Variants in PARP3 observed in about 807,000 individuals in gnomAD.
The protein encoded by PARP3 is protein mono-ADP-ribosyltransferase PARP3.
In PARP3, 46 loss-of-function variants were observed where a neutral mutation model predicts 58.2. The ratio of observed to expected loss-of-function variants is 0.79; its 90% confidence interval spans 0.62 to 1.01. The LOEUF (loss-of-function observed/expected upper bound fraction) is 1.01. Among genes scored for constraint, PARP3 ranks in the 50% least tolerant of loss-of-function variants. The probability of loss-of-function intolerance (pLI) is 0.00; values close to 1 mark genes in which losing one functional copy is unlikely to be tolerated. For missense variants in PARP3, 663 were observed against 683.9 expected, an observed-to-expected ratio of 0.97 and a Z score of 0.34; for synonymous variants, 252 against 266.4, an observed-to-expected ratio of 0.95 and a Z score of 0.53.
In PARP3 at chr3:51,946,055, G is replaced by C. The variant is rs1699669258; in HGVS notation, c.1099-111G>C. 2 of 1,327,944 alleles carry C rather than the reference G, an allele frequency of 1.5e-6. No individual in the cohort carries two copies. Among genetic ancestry groups the C allele is most frequent in the Non-Finnish European group, 2.1e-6 (2 of 934,726 alleles). 82.3% of individuals were successfully genotyped at this position (1,327,944 alleles called of 1,614,324 possible). ...GCTCTGGTCAGTTTCTGCCGGCCAT[G>C]AGTGCGCGTGAGTAAGCAGAGGGAC... On this transcript the variant is annotated intron_variant, in intron 8 of 10. Transcript: ENST00000398755. This position sits in a 1 kb window ranked among gnomAD's most constrained non-coding sequence, Gnocchi z 4.6.
intron 9 of PARP3, among the ~76,000 whole-genome samples, chr3:51,947,350 A>C (rs1699704058): frequency 6.6e-6 from 1 of 152,212 alleles, no homozygotes; most frequent in Non-Finnish European, 1.5e-5. Flanking sequence ...CAAGGGGTCC[A>C]CCAGGAGGGC....
At chr3:51,943,602 C>T in intron 2 of PARP3, 64 bp downstream of exon 2, 1 of 1,462,242 alleles carries the variant, frequency 6.8e-7, no homozygotes, top group Non-Finnish European at 9.4e-7. Flanking sequence ...ACACCCAGGC[C>T]ACCCCCTTAG....
intron 6 of PARP3, 75 bp from the exon 7 acceptor site, chr3:51,945,420 A>ACCAGTC: frequency 6.5e-7 from 1 of 1,533,546 alleles, no homozygotes; most frequent in South Asian, 1.2e-5. Context: ...TGGCTACAAT[A>ACCAGTC]CCAGTCATGT....
At chr3:51,943,242 G>C (rs1023979887) in intron 1 of PARP3, 112 bp from the exon 2 acceptor site, 15 of 1,185,098 alleles carry the variant, frequency 1.3e-5, no homozygotes, top group Non-Finnish European at 1.6e-5. Flanking sequence ...GCCAACCCGG[G>C]GTGGGGCAAG....
chr3:51,945,127 C>T lies in PARP3; in HGVS notation c.764C>T (p.Ser255Leu). ...GGCCAAAGCCTGGAGGAGCTGTCCT[C>T]ACACTTTTACACCGTCATCCCGCAC... The part of the protein sequence containing the change: ...DGGQSLEELS[S>L]HFYTVIPHNF... The change falls in exon 6 of 11, where the codon TCA (serine) becomes TTA (leucine). Residue 255 changes from serine (S) to leucine (L), a missense_variant. Around this residue, in one of 3 missense-constraint regions of PARP3, gnomAD observed 567 missense variants for 553.6 expected, o/e 1.02. Transcript: ENST00000398755. 6.2e-7 allele frequency: 1 copy of T among 1,614,124 alleles called. No homozygotes were observed. Among genetic ancestry groups the T allele is most frequent in the Non-Finnish European group, 8.5e-7 (1 of 1,180,050 alleles).
Position 51,944,017 on chromosome 3 carries a change from G to A in PARP3, c.184-72G>A, listed in dbSNP as rs1039768965. The A allele has an allele frequency of 6.1e-5, 90 of 1,470,006 alleles. No individual in the cohort carries two copies. Among genetic ancestry groups the A allele is most frequent in the Non-Finnish European group, 8.2e-5 (88 of 1,074,464 alleles). The allele number at this position is 1,470,006 out of a possible 1,614,324, so 91.1% of individuals were successfully genotyped here. On this transcript the variant is annotated intron_variant, in intron 2 of 10. Transcript: ENST00000398755. This position sits in a 1 kb window ranked among gnomAD's most constrained non-coding sequence, Gnocchi z 4.2. ...CCGTCAGACTCCTGTCCCCATCAGAGCCCTCTCGGTGTACGGCCAGGCACC... is the reference window on the plus strand; with the variant it reads ...CCGTCAGACTCCTGTCCCCATCAGAACCCTCTCGGTGTACGGCCAGGCACC...
In PARP3 at chr3:51,944,678, C is replaced by T; in HGVS notation, c.501+100C>T. On this transcript the variant is annotated intron_variant, in intron 4 of 10. Coordinates refer to ENST00000398755, the MANE Select transcript of PARP3 (RefSeq NM_001003931.4). This position sits in a 1 kb window ranked among gnomAD's most constrained non-coding sequence, Gnocchi z 4.2. ...CTCTGCCACTGCCCAGCTGCGCAGC[C>T]TCAGCCACAGAACTCCCCTCTGGCC... 2 of 1,574,836 alleles carry T rather than the reference C, an allele frequency of 1.3e-6. No individual in the cohort carries two copies. The highest frequency in any genetic ancestry group is 8.6e-7 in the Non-Finnish European group (1 of 1,156,982).
Position 51,948,647 on chromosome 3 carries a change from G to A in PARP3, c.*167G>A. ...ATCCCTGAACTTATGCCTCCTAACT[G>A]AAATTTTGTATTCTTTGACACATCT... is the stretch of plus-strand genomic sequence containing the variant. On this transcript the variant is annotated 3_prime_UTR_variant, in exon 11 of 11. Coordinates refer to ENST00000398755, the MANE Select transcript of PARP3 (RefSeq NM_001003931.4). The A allele has an allele frequency of 1.6e-6, 1 of 624,726 alleles. No homozygotes were observed. Among genetic ancestry groups the A allele is most frequent in the Admixed American group, 3.2e-5 (1 of 30,810 alleles). The allele number at this position is 624,726 out of a possible 1,614,324, so 38.7% of individuals were successfully genotyped here.
Position 51,946,297 on chromosome 3 carries a change from C to G in PARP3, c.1230C>G (p.Gly410=), listed in dbSNP as rs773826150. 4.3e-6 allele frequency: 7 copies of G among 1,613,476 alleles called. No individual in the cohort carries two copies. The highest frequency in any genetic ancestry group is 1.7e-4 in the Middle Eastern group (1 of 6,058). The change falls in exon 9 of 11, where the codon GGC becomes GGG. Residue 410 remains glycine, a synonymous_variant. Coordinates refer to ENST00000398755, the MANE Select transcript of PARP3 (RefSeq NM_001003931.4). This position sits in a 1 kb window ranked among gnomAD's most constrained non-coding sequence, Gnocchi z 4.6. ...TGCCACATTCTGGTGGGCGTGTTGGCAAGGGCATCTACTTTGCCTCAGAGA... is the reference window on the plus strand; with the variant it reads ...TGCCACATTCTGGTGGGCGTGTTGGGAAGGGCATCTACTTTGCCTCAGAGA... ...RIMPHSGGRV[G]KGIYFASENS... is the part of the protein sequence containing the mutation.
At position 51,944,757 on chromosome 3, in the gene PARP3, A is replaced by G. The variant is rs763095677; in HGVS notation, c.502-21A>G. On this transcript the variant is annotated intron_variant, in intron 4 of 10. Coordinates refer to ENST00000398755, the MANE Select transcript of PARP3 (RefSeq NM_001003931.4). The surrounding 1 kb of genome is among the most constrained non-coding windows in gnomAD (Gnocchi z 4.2). ...ACGCCCTGCCCCGCTGCTCCTGCCCACATGTGCCCTCTATCTTCAGGTGGA... is the reference window on the plus strand; with the variant it reads ...ACGCCCTGCCCCGCTGCTCCTGCCCGCATGTGCCCTCTATCTTCAGGTGGA... 1.3e-6 allele frequency: 2 copies of G among 1,598,962 alleles called. No homozygotes were observed. Among genetic ancestry groups the G allele is most frequent in the Non-Finnish European group, 1.7e-6 (2 of 1,172,516 alleles).
At position 51,944,646 on chromosome 3, in the gene PARP3, G is replaced by C; in HGVS notation, c.501+68G>C. The C allele has an allele frequency of 6.3e-7, 1 of 1,586,152 alleles. No individual in the cohort carries two copies. Among genetic ancestry groups the C allele is most frequent in the Non-Finnish European group, 8.6e-7 (1 of 1,161,788 alleles). ...GGGGACTCGTTGGAGAGTTCCCGCTGGTTGGGCTCTGCCACTGCCCAGCTG... is the reference window on the plus strand; with the variant it reads ...GGGGACTCGTTGGAGAGTTCCCGCTCGTTGGGCTCTGCCACTGCCCAGCTG... On this transcript the variant is annotated intron_variant, in intron 4 of 10. Transcript: ENST00000398755. This position sits in a 1 kb window ranked among gnomAD's most constrained non-coding sequence, Gnocchi z 4.2.
rs559905723 is a variant in PARP3 at position 51,943,413 on chromosome 3, C to G, written c.58C>G (p.Arg20Gly). 6.2e-6 allele frequency: 10 copies of G among 1,604,504 alleles called. No homozygotes were observed. The East Asian group carries it at 1.1e-4, about 18-fold the overall frequency. The stretch of plus-strand genomic sequence containing the variant: ...TGAGGGCCCTGAGAAGAAGAAGGGC[C>G]GGCAGGCAGGAAGGGAGGAGGACCC... Reference protein sequence around the residue: ...QTEGPEKKKGRQAGREEDPFR... With the variant: ...QTEGPEKKKGGQAGREEDPFR... Residue 20 changes from arginine to glycine, a missense_variant, in exon 2 of 11, where the codon CGG becomes GGG. Arg to Gly is a moderately radical substitution (Grantham distance 125, BLOSUM62 -2). Transcript: ENST00000398755.
Position 51,945,065 on chromosome 3 carries a change from G to A in PARP3, c.702G>A (p.Glu234=), listed in dbSNP as rs771397204. The A allele has an allele frequency of 1.9e-6, 3 of 1,614,196 alleles. No homozygotes were observed. The Admixed American group carries it at 5.0e-5, about 27-fold the overall frequency. The change falls in exon 6 of 11, where the codon GAG becomes GAA. Residue 234 remains glutamate (E), a synonymous_variant. Transcript: ENST00000398755. The part of the protein sequence containing the change: ...QQIARGFEAL[E]ALEEALKGPT... Reference sequence around the variant, plus strand: ...TTGCACGGGGTTTCGAGGCCTTGGAGGCGCTGGAGGAGGCCCTGAAAGGCC... The same window carrying A: ...TTGCACGGGGTTTCGAGGCCTTGGAAGCGCTGGAGGAGGCCCTGAAAGGCC...
intron 2 of PARP3, among the ~76,000 whole-genome samples, 165 bp downstream of exon 2, chr3:51,943,703 C>T (rs905064175): frequency 2.0e-5 from 3 of 152,096 alleles, no homozygotes; most frequent in Non-Finnish European, 2.9e-5. Context: ...GGCTGTGTCC[C>T]GTCAGGTCCA....
Position 51,944,078 on chromosome 3 carries a change from C to T in PARP3, c.184-11C>T. 6.2e-7 allele frequency: 1 copy of T among 1,612,866 alleles called. No individual in the cohort carries two copies. The highest frequency in any genetic ancestry group is 8.5e-7 in the Non-Finnish European group (1 of 1,179,500). On this transcript the variant is annotated splice_polypyrimidine_tract_variant and intron_variant, in intron 2 of 10. Coordinates refer to ENST00000398755, the MANE Select transcript of PARP3 (RefSeq NM_001003931.4). The surrounding 1 kb of genome is among the most constrained non-coding windows in gnomAD (Gnocchi z 4.2). ...CCAGCCAGCCTGCCCCCCACCTCCCCTCTGGCCCAGGTGTATGAGGACTAC... is the reference window on the plus strand; with the variant it reads ...CCAGCCAGCCTGCCCCCCACCTCCCTTCTGGCCCAGGTGTATGAGGACTAC...
At position 51,944,885 on chromosome 3, in the gene PARP3, G is replaced by C; in HGVS notation, c.609G>C (p.Lys203Asn). ...ACATCTTCAGCAAGGAGATGTTCAA[G>C]AACACCATGGCCCTCATGGACCTGG... ...ITNIFSKEMFKNTMALMDLDV... is the reference protein window; with the variant it reads ...ITNIFSKEMFNNTMALMDLDV... The change falls in exon 5 of 11, where the codon AAG becomes AAC. Residue 203 changes from lysine (K) to asparagine (N), a missense_variant. Physicochemically the swap from Lys to Asn is moderately conservative, Grantham distance 94. Coordinates refer to ENST00000398755, the MANE Select transcript of PARP3 (RefSeq NM_001003931.4). The surrounding 1 kb of genome is among the most constrained non-coding windows in gnomAD (Gnocchi z 4.2). 6.2e-7 allele frequency: 1 copy of C among 1,613,946 alleles called. No individual in the cohort carries two copies.
rs995264319 is a variant in PARP3, at chr3:51,945,086, A to T, written c.723A>T (p.Lys241Asn). ...EALEALEEAL[K>N]GPTDGGQSLE... is the part of the protein sequence containing the mutation. ...TGGAGGCGCTGGAGGAGGCCCTGAA[A>T]GGCCCCACGGATGGTGGCCAAAGCC... Residue 241 changes from lysine to asparagine, a missense_variant, in exon 6 of 11, where the codon AAA (lysine) becomes AAT (asparagine). Coordinates refer to ENST00000398755, the MANE Select transcript of PARP3 (RefSeq NM_001003931.4). 2 of 1,614,162 alleles carry T rather than the reference A, an allele frequency of 1.2e-6. No individual in the cohort carries two copies. Among genetic ancestry groups the T allele is most frequent in the Non-Finnish European group, 1.7e-6 (2 of 1,180,030 alleles).
chr3:51,947,562 G>A, intron 9 of PARP3, 178 bp from the exon 10 acceptor site: 2 of 649,870 alleles, frequency 3.1e-6, no homozygotes, highest in South Asian at 1.9e-5. Context: ...GCCATAGGGA[G>A]CACAGTGAGG....
At position 51,944,951 on chromosome 3, in the gene PARP3, G is replaced by T. The variant is rs1325528359; in HGVS notation, c.634+41G>T. The T allele has an allele frequency of 2.5e-6, 4 of 1,613,116 alleles. No homozygotes were observed. The East Asian group carries it at 8.9e-5, about 36-fold the overall frequency. On this transcript the variant is annotated intron_variant, in intron 5 of 10. Transcript: ENST00000398755. The surrounding 1 kb of genome is among the most constrained non-coding windows in gnomAD (Gnocchi z 4.2). Reference sequence around the variant, plus strand: ...CAGGCAGGGTGGCAGGGGCCTCAGGGTGGCAGGGCTGTGGGGCTGAGTCTC... The same window carrying T: ...CAGGCAGGGTGGCAGGGGCCTCAGGTTGGCAGGGCTGTGGGGCTGAGTCTC...
Sources: gnomAD v4.1 joint callset for allele counts (sites outside exome capture counted in the v4.1 genomes callset) on GRCh38, gnomAD v4.1.1 for gene constraint, gnomAD v4.1.1 regional missense constraint, Gnocchi (gnomAD v3.1) non-coding constraint, MANE v1.5 for transcripts, NCBI Gene and HGNC (gene_info 2026-07-23, HGNC 2026-07-21) for gene names.